Variants in PRLR observed in about 807,000 individuals in gnomAD.
PRLR encodes hPRL receptor.
Under a neutral mutation model 40.2 loss-of-function variants are expected in PRLR, and 13 were observed. The observed-to-expected ratio is 0.32, with a 90% CI of 0.21 to 0.51. The LOEUF (loss-of-function observed/expected upper bound fraction) is 0.51, where lower values mean the gene tolerates loss of function less well. Ranked by LOEUF, PRLR falls within the 20% of genes least tolerant of loss-of-function variation. The pLI is 0.97. For synonymous variants in PRLR, 269 were observed against 278.7 expected (o/e 0.97, Z 0.35); for missense variants, 656 against 747.3 (o/e 0.88, Z 1.42).
At chr5:35,080,716 A>C (rs1031284719) in intron 5 of PRLR, among the ~76,000 whole-genome samples, 1 of 152,056 alleles carries the variant, frequency 6.6e-6, no homozygotes, top group African/African-American at 2.4e-5. Context: ...GATTATAAAT[A>C]ATGCTGCCAT....
chr5:35,097,453 T>C lies in PRLR; in HGVS notation c.-43-7790A>G, dbSNP rs887773673. On this transcript the variant is annotated intron_variant, in intron 2 of 9. Transcript: ENST00000618457. The stretch of plus-strand genomic sequence containing the variant: ...CCAAGGTCACACAGCTAGTGAGTTG[T>C]CCAAGGTCACACAGCTAGTGAGTTG... 2.0e-5 allele frequency among the ~76,000 whole-genome samples: 3 copies of C among 152,092 alleles called. No homozygotes were observed. In the South Asian group the frequency reaches 6.2e-4, roughly 32 times the overall value.
At chr5:35,137,512 A>G (rs899499101) in intron 1 of PRLR, among the ~76,000 whole-genome samples, 2 of 152,222 alleles carry the variant, frequency 1.3e-5, no homozygotes, top group Non-Finnish European at 2.9e-5. Flanking sequence ...GAAATCCAGT[A>G]AGAAAGTTCC....
intron 2 of PRLR, among the ~76,000 whole-genome samples, chr5:35,110,531 C>G (rs190592857): frequency 6.6e-6 from 1 of 152,044 alleles, no homozygotes; most frequent in Admixed American, 6.6e-5. Flanking sequence ...TTCCTCACAC[C>G]GCTCTAAAAT....
intron 1 of PRLR, among the ~76,000 whole-genome samples, chr5:35,185,092 T>A (rs1177818895): frequency 6.6e-6 from 1 of 152,256 alleles, no homozygotes; most frequent in African/African-American, 2.4e-5. Context: ...CAGCTCTCCT[T>A]GGGCAGGAAG....
In PRLR at chr5:35,065,675, G is replaced by T. The variant is rs1291614908; in HGVS notation, c.1283C>A (p.Ser428Tyr). The change falls in exon 10 of 10, where the codon TCC (serine) becomes TAC (tyrosine). Residue 428 changes from serine (S) to tyrosine (Y), a missense_variant. Around this residue, in one of 3 missense-constraint regions of PRLR, gnomAD observed 469 missense variants for 491.5 expected, o/e 0.95. Transcript: ENST00000618457. ...LPQPSQHNPR[S>Y]SYHNITDVCE... ...CACATCAGTAATATTGTGGTAAGAG[G>T]ATCTGGGGTTGTGCTGGCTGGGCTG... 1.9e-6 allele frequency: 3 copies of T among 1,614,184 alleles called. No homozygotes were observed. The highest frequency in any genetic ancestry group is 2.5e-6 in the Non-Finnish European group (3 of 1,180,042).
At chr5:35,189,958 T>A (rs1775556796) in intron 1 of PRLR, among the ~76,000 whole-genome samples, 1 of 152,158 alleles carries the variant, frequency 6.6e-6, no homozygotes, top group Non-Finnish European at 1.5e-5. Flanking sequence ...CAGTCCAGGG[T>A]TTTCCTGCTG....
intron 1 of PRLR, among the ~76,000 whole-genome samples, chr5:35,143,423 T>C (rs1049941961): frequency 2.6e-5 from 4 of 152,248 alleles, no homozygotes; most frequent in Non-Finnish European, 5.9e-5. Flanking sequence ...GATAGGTAAA[T>C]ATTCTGTTTC....
chr5:35,073,745 A>G (rs945123677), intron 5 of PRLR, among the ~76,000 whole-genome samples: 11 of 152,212 alleles, frequency 7.2e-5, no homozygotes, highest in African/African-American at 1.4e-4. Flanking sequence ...AGTGCATAGG[A>G]TACAAAATTC....
At chr5:35,100,669 C>A (rs1771823301) in intron 2 of PRLR, among the ~76,000 whole-genome samples, 1 of 152,166 alleles carries the variant, frequency 6.6e-6, no homozygotes, top group African/African-American at 2.4e-5. Context: ...CAAGCAACAA[C>A]AAGATAACCT....
downstream of PRLR, among the ~76,000 whole-genome samples, chr5:35,053,180 G>A (rs563481139): frequency 6.6e-6 from 1 of 152,172 alleles, no homozygotes; most frequent in East Asian, 1.9e-4. Context: ...ACACTGTCCT[G>A]GAAGCCCAAT....
At chr5:35,067,185 G>A (rs1184568575) in intron 9 of PRLR, among the ~76,000 whole-genome samples, 2 of 152,156 alleles carry the variant, frequency 1.3e-5, no homozygotes, top group African/African-American at 4.8e-5. Flanking sequence ...ATTTTTAAAA[G>A]GTAGAAAATA....
intron 6 of PRLR, among the ~76,000 whole-genome samples, chr5:35,071,856 TC>T (rs1279628307): frequency 1.3e-5 from 2 of 151,742 alleles, no homozygotes; most frequent in Admixed American, 1.3e-4. Flanking sequence ...TGCTTCTGCC[TC>T]CCAAAGTGCT....
At chr5:35,152,665 C>A (rs1176674884) in intron 1 of PRLR, 1 of 152,174 alleles carries the variant, frequency 6.6e-6, no homozygotes, top group African/African-American at 2.4e-5. Context: ...CAGTTTCATT[C>A]TTCACAATAT....
intron 2 of PRLR, among the ~76,000 whole-genome samples, chr5:35,100,653 G>C (rs555229391): frequency 6.6e-6 from 1 of 152,258 alleles, no homozygotes; most frequent in South Asian, 2.1e-4. Flanking sequence ...TACACTTTAT[G>C]ATGTTCAAGC....
intron 1 of PRLR, among the ~76,000 whole-genome samples, chr5:35,148,020 C>T (rs1774234552): frequency 6.6e-6 from 1 of 151,956 alleles, no homozygotes; most frequent in Non-Finnish European, 1.5e-5. Context: ...AGAAAAACAA[C>T]AGGGAATTAA....
chr5:35,097,593 G>A (rs1024160780), intron 2 of PRLR, among the ~76,000 whole-genome samples: 4 of 152,060 alleles, frequency 2.6e-5, no homozygotes, highest in Admixed American at 2.6e-4. Flanking sequence ...AATCCATGCT[G>A]GCTGTGAGGA....
At chr5:35,090,872 G>A (rs927043935) in intron 2 of PRLR, among the ~76,000 whole-genome samples, 46 of 139,854 alleles carry the variant, frequency 3.3e-4, no homozygotes, top group Admixed American at 1.3e-3. Context: ...GTGCAGTGGC[G>A]CGATCTGGGC....
At chr5:35,090,791 CTTTTTTTTTTTTTTTTTTTT>C (rs554800498) in intron 2 of PRLR, among the ~76,000 whole-genome samples, 1,058 of 59,168 alleles carry the variant, frequency 0.018, 26 homozygotes, top group African/African-American at 0.044. Context: ...TCAATTAGCT[CTTTTTTTTTTTTTTTTTTTT>C]TTTTTTTTTT....
chr5:35,182,425 C>G (rs1775318477), intron 1 of PRLR, among the ~76,000 whole-genome samples: 1 of 152,128 alleles, frequency 6.6e-6, no homozygotes, highest in South Asian at 2.1e-4. Flanking sequence ...GAGAAAGAAG[C>G]AATAAAGAAG....
Sources: allele counts gnomAD v4.1 joint callset (sites outside exome capture counted in the v4.1 genomes callset), GRCh38; gene constraint gnomAD v4.1.1; regional missense constraint gnomAD v4.1.1; transcripts MANE v1.5; gene names NCBI Gene and HGNC (gene_info 2026-07-23, HGNC 2026-07-21).